Variants in EYS observed in about 807,000 individuals in gnomAD.
EYS encodes EGF-like photoreceptor maintenance factor.
Under a neutral mutation model 282.1 loss-of-function variants are expected in EYS, and 250 were observed. That is an observed-to-expected ratio of 0.89 (90% confidence interval 0.80 to 0.98). The LOEUF (loss-of-function observed/expected upper bound fraction) is 0.98. Ranked by LOEUF, EYS falls within the 50% of genes least tolerant of loss-of-function variation. The pLI, the probability that EYS is intolerant of heterozygous loss-of-function variation, is 0.00. For missense variants in EYS, 4,016 were observed against 3,709.0 expected (o/e 1.08, Z -2.15); for synonymous variants, 1,355 against 1,282.9 (o/e 1.06, Z -1.20).
intron 1 of EYS, among the ~76,000 whole-genome samples, chr6:65,668,748 T>C (rs1768282256): frequency 6.6e-6 from 1 of 151,952 alleles, no homozygotes; most frequent in Non-Finnish European, 1.5e-5. Flanking sequence ...ATTGAAGACA[T>C]TGGCAAACAG....
At chr6:65,338,081 A>G (rs1770055227) in intron 10 of EYS, among the ~76,000 whole-genome samples, 1 of 151,252 alleles carries the variant, frequency 6.6e-6, no homozygotes, top group Admixed American at 6.6e-5. Flanking sequence ...GAACACCTAA[A>G]TTATATCTAA....
chr6:63,962,468 T>G (rs1379710795), intron 35 of EYS, among the ~76,000 whole-genome samples: 1 of 152,120 alleles, frequency 6.6e-6, no homozygotes, highest in Non-Finnish European at 1.5e-5. Context: ...CAGACACTTC[T>G]CAAAAGAAGA....
chr6:65,231,611 C>T (rs540520918), intron 12 of EYS, among the ~76,000 whole-genome samples: 2 of 151,564 alleles, frequency 1.3e-5, no homozygotes, highest in Non-Finnish European at 3.0e-5. Flanking sequence ...GATAAATGTG[C>T]TATCAAGGTT....
intron 29 of EYS, among the ~76,000 whole-genome samples, chr6:64,315,338 C>T (rs748253416): frequency 2.3e-4 from 35 of 152,230 alleles, no homozygotes; most frequent in Admixed American, 5.9e-4. Flanking sequence ...ACCAGAGGTA[C>T]AAAGAGGAGC....
intron 36 of EYS, among the ~76,000 whole-genome samples, chr6:63,818,164 T>C (rs1220805097): frequency 6.6e-6 from 1 of 152,218 alleles, no homozygotes; most frequent in South Asian, 2.1e-4. Context: ...AGTCCTTTCA[T>C]AATGTATTTA....
chr6:65,575,638 G>A (rs1030131323), intron 2 of EYS, among the ~76,000 whole-genome samples: 1 of 151,390 alleles, frequency 6.6e-6, no homozygotes. Context: ...CAACAGAAAA[G>A]AAATCAACCA....
intron 18 of EYS, among the ~76,000 whole-genome samples, chr6:64,898,285 G>C (rs1018838776): frequency 2.6e-5 from 4 of 152,154 alleles, no homozygotes; most frequent in Admixed American, 6.5e-5. Flanking sequence ...CCAGAAGACA[G>C]TGTGGACCAA....
At chr6:65,598,246 CCCA>C (rs1195418188) in intron 2 of EYS, among the ~76,000 whole-genome samples, 1,255 of 90,530 alleles carry the variant, frequency 0.014, 116 homozygotes, top group Non-Finnish European at 0.018. Context: ...CCACCCCCCC[CCCA>C]AAAAAAAAAA....
intron 8 of EYS, among the ~76,000 whole-genome samples, chr6:65,369,525 T>C (rs1374877979): frequency 6.6e-6 from 1 of 150,974 alleles, no homozygotes; most frequent in Non-Finnish European, 1.5e-5. Flanking sequence ...TCTGAAACAG[T>C]TTTTCTTTTG....
chr6:64,304,331 T>C (rs2150374440), intron 30 of EYS, among the ~76,000 whole-genome samples: 1 of 152,284 alleles, frequency 6.6e-6, no homozygotes, highest in South Asian at 2.1e-4. Context: ...TAGACAATTG[T>C]ACAATAATAG....
At chr6:64,499,024 G>A (rs1404305025) in intron 26 of EYS, among the ~76,000 whole-genome samples, 1 of 152,078 alleles carries the variant, frequency 6.6e-6, no homozygotes, top group Non-Finnish European at 1.5e-5. Flanking sequence ...CTAGATCCTT[G>A]AGGAATCGCC....
intron 36 of EYS, among the ~76,000 whole-genome samples, chr6:63,827,707 T>A (rs1247441965): frequency 1.3e-5 from 2 of 151,556 alleles, no homozygotes; most frequent in Non-Finnish European, 3.0e-5. Flanking sequence ...AGCCGGGCGC[T>A]GTGGCGGGCG....
chr6:63,988,180 T>C (rs1046542942), intron 34 of EYS, among the ~76,000 whole-genome samples: 1 of 151,670 alleles, frequency 6.6e-6, no homozygotes, highest in Non-Finnish European at 1.5e-5. Context: ...GTCTATTAGC[T>C]AAGATAAGTG....
At chr6:64,690,202 AT>A (rs772700609) in intron 22 of EYS, among the ~76,000 whole-genome samples, 3 of 152,130 alleles carry the variant, frequency 2.0e-5, no homozygotes, top group Non-Finnish European at 1.5e-5. Flanking sequence ...GAAGACATTT[AT>A]GCAGCCAACA....
At chr6:63,872,920 C>A (rs1387896207) in intron 35 of EYS, among the ~76,000 whole-genome samples, 1 of 151,982 alleles carries the variant, frequency 6.6e-6, no homozygotes, top group Non-Finnish European at 1.5e-5. Context: ...GAAATCCAAG[C>A]AGAAGTGTAG....
chr6:64,060,489 T>C (rs1347873447), intron 33 of EYS, among the ~76,000 whole-genome samples: 3 of 152,202 alleles, frequency 2.0e-5, no homozygotes, highest in African/African-American at 7.2e-5. Context: ...GTCTATTTTC[T>C]ATAAATTACT....
intron 22 of EYS, among the ~76,000 whole-genome samples, chr6:64,663,691 C>T (rs9345357): frequency 0.95 from 144,510 of 152,156 alleles, 69,062 homozygotes; most frequent in East Asian, 1. Flanking sequence ...AAAATATTGA[C>T]GTTGCCTCAA....
At chr6:63,928,297 TA>T (rs903099932) in intron 35 of EYS, among the ~76,000 whole-genome samples, 1 of 152,002 alleles carries the variant, frequency 6.6e-6, no homozygotes, top group Non-Finnish European at 1.5e-5. Flanking sequence ...GTGCCTATCT[TA>T]AAAAAAAGTA....
chr6:63,820,309 CTTTGAT>C (rs2149685465), intron 36 of EYS, among the ~76,000 whole-genome samples: 1 of 152,148 alleles, frequency 6.6e-6, no homozygotes, highest in Admixed American at 6.6e-5. Context: ...ACTTATTTTT[CTTTGAT>C]TTTATCTTTA....
Sources: gnomAD v4.1 joint callset for allele counts (sites outside exome capture counted in the v4.1 genomes callset) on GRCh38, gnomAD v4.1.1 for gene constraint, MANE v1.5 for transcripts, NCBI Gene and HGNC (gene_info 2026-07-23, HGNC 2026-07-21) for gene names.